The following OTUD7A variants were observed in gnomAD, a reference collection of about 807,000 sequenced individuals.
OTUD7A encodes the protein OTU domain-containing protein 7A.
In OTUD7A, 12 loss-of-function variants were observed where a neutral mutation model predicts 65.7. The ratio of observed to expected loss-of-function variants is 0.18; its 90% confidence interval spans 0.12 to 0.30. The LOEUF (loss-of-function observed/expected upper bound fraction) is 0.30. OTUD7A is among the 10% of genes least tolerant of loss of function. The probability of loss-of-function intolerance (pLI) is 1.00; values close to 1 mark genes in which losing one functional copy is unlikely to be tolerated. For missense variants in OTUD7A, 1,148 were observed against 1,304.8 expected (o/e 0.88, Z 1.85); for synonymous variants, 641 against 586.3 (o/e 1.09, Z -1.35).
chr15:31,663,946 A>G (rs1892246246), intron 1 of OTUD7A, among the ~76,000 whole-genome samples: 1 of 152,132 alleles, frequency 6.6e-6, no homozygotes, highest in Non-Finnish European at 1.5e-5. Context: ...TTCCTGAGTT[A>G]CTTCACTTAG....
intron 3 of OTUD7A, among the ~76,000 whole-genome samples, chr15:31,610,195 A>G (rs10220758): frequency 0.02 from 3,046 of 152,302 alleles, 127 homozygotes; most frequent in African/African-American, 0.069. Context: ...AACAGCAGTT[A>G]AAAGAGACAT....
At chr15:31,525,788 C>G (rs899023771) in intron 8 of OTUD7A, among the ~76,000 whole-genome samples, 1 of 152,258 alleles carries the variant, frequency 6.6e-6, no homozygotes, top group East Asian at 1.9e-4. Flanking sequence ...TCTGTAGGAA[C>G]AAGCTATTCC....
intron 4 of OTUD7A, among the ~76,000 whole-genome samples, chr15:31,561,089 G>A (rs1888672664): frequency 6.6e-6 from 1 of 152,198 alleles, no homozygotes; most frequent in Non-Finnish European, 1.5e-5. Context: ...ATTTCGCAAT[G>A]GGTGGTTTAG....
intron 3 of OTUD7A, among the ~76,000 whole-genome samples, chr15:31,638,267 A>G (rs956364536): frequency 6.6e-6 from 1 of 152,146 alleles, no homozygotes; most frequent in African/African-American, 2.4e-5. Context: ...GAAGGCTCAG[A>G]TGATTGTTAG....
Position 31,526,509 on chromosome 15 carries a change from T to A in OTUD7A, c.781-48A>T, listed in dbSNP as rs771431536. On this transcript the variant is annotated intron_variant, in intron 7 of 12. Transcript: ENST00000307050. ...GAAGGGGGGTGGGCCACAGCTGCGC[T>A]GCCCTCCTCTCCTCACCCTCCCAAT... 10 of 1,432,374 alleles carry A rather than the reference T, an allele frequency of 7.0e-6. No homozygotes were observed. In the African/African-American group the frequency reaches 1.4e-4, roughly 20 times the overall value. The allele number at this position is 1,432,374 out of a possible 1,614,324, so 88.7% of individuals were successfully genotyped here.
intron 1 of OTUD7A, among the ~76,000 whole-genome samples, chr15:31,680,918 C>T (rs533412703): frequency 2.0e-5 from 3 of 150,836 alleles, no homozygotes; most frequent in Admixed American, 1.3e-4. Flanking sequence ...TCACTAAACC[C>T]CTGTGAATCC....
At chr15:31,801,385 C>T (rs904927041) in intron 1 of OTUD7A, among the ~76,000 whole-genome samples, 1 of 152,260 alleles carries the variant, frequency 6.6e-6, no homozygotes, top group African/African-American at 2.4e-5. Flanking sequence ...GCTCTGACTG[C>T]CTCAGAAAAC....
In OTUD7A at chr15:31,710,522, G is replaced by A. The variant is rs1163045288; in HGVS notation, c.-99-53445C>T. On this transcript the variant is annotated intron_variant, in intron 1 of 12. Coordinates refer to ENST00000307050, the MANE Select transcript of OTUD7A (RefSeq NM_001382637.1). ...GCCTCCAGCCCTGCATAGAGGTGCA[G>A]AGCAGGACAGCAAGACCTCAGGGCA... Among the ~76,000 whole-genome samples, 3 of 152,280 alleles carry A rather than the reference G, an allele frequency of 2.0e-5. No individual in the cohort carries two copies. The East Asian group carries it at 5.8e-4, about 29-fold the overall frequency.
chr15:31,484,739 A>C lies in OTUD7A; in HGVS notation c.1372-15T>G. 6.3e-7 allele frequency: 1 copy of C among 1,588,152 alleles called. No individual in the cohort carries two copies. The highest frequency in any genetic ancestry group is 8.5e-7 in the Non-Finnish European group (1 of 1,173,918). On this transcript the variant is annotated splice_polypyrimidine_tract_variant and intron_variant, in intron 12 of 12. Coordinates refer to ENST00000307050, the MANE Select transcript of OTUD7A (RefSeq NM_001382637.1). The surrounding 1 kb of genome is among the most constrained non-coding windows in gnomAD (Gnocchi z 4.5). ...GCCAGGGGCGCCTGTGTGGAGAGGGAGGGCCGGATCGAAGGTGGTTAGAGA... is the reference window on the plus strand; with the variant it reads ...GCCAGGGGCGCCTGTGTGGAGAGGGCGGGCCGGATCGAAGGTGGTTAGAGA...
At chr15:31,656,524 A>T (rs1380689553) in intron 2 of OTUD7A, among the ~76,000 whole-genome samples, 2 of 152,344 alleles carry the variant, frequency 1.3e-5, no homozygotes, top group East Asian at 3.9e-4. Flanking sequence ...CTGGAACTTT[A>T]TGGAAAAAGC....
At chr15:31,868,775 T>C (rs111615164) in intron 1 of OTUD7A, among the ~76,000 whole-genome samples, 2,307 of 152,284 alleles carry the variant, frequency 0.015, 53 homozygotes, top group African/African-American at 0.053. Flanking sequence ...GACCCGCACG[T>C]GGCAATACTT....
intron 5 of OTUD7A, among the ~76,000 whole-genome samples, chr15:31,551,137 G>A (rs968476034): frequency 1.3e-5 from 2 of 152,178 alleles, no homozygotes; most frequent in Non-Finnish European, 2.9e-5. Context: ...TCCTAGGGCT[G>A]TACATCAGAC....
In OTUD7A at chr15:31,484,160, C is replaced by A; in HGVS notation, c.1936G>T (p.Gly646Cys). ...MQGERKFIFA[G>C]LLLTSHRHQF... ...TGCCGGTGGCTGGTGAGCAGCAGGC[C>A]GGCGAAGATGAACTTGCGCTCCCCC... Residue 646 changes from glycine to cysteine, a missense_variant, in exon 13 of 13, where the codon GGC (glycine) becomes TGC (cysteine). This residue lies in a region of OTUD7A where 842 missense variants were observed against 769.5 expected (regional missense o/e 1.09). Coordinates refer to ENST00000307050, the MANE Select transcript of OTUD7A (RefSeq NM_001382637.1). The surrounding 1 kb of genome is among the most constrained non-coding windows in gnomAD (Gnocchi z 4.5). The A allele has an allele frequency of 1.2e-6, 2 of 1,610,434 alleles. No homozygotes were observed. The highest frequency in any genetic ancestry group is 1.7e-6 in the Non-Finnish European group (2 of 1,179,548).
intron 1 of OTUD7A, among the ~76,000 whole-genome samples, chr15:31,769,753 C>CA (rs1181418425): frequency 6.6e-6 from 1 of 152,158 alleles, no homozygotes; most frequent in Admixed American, 6.5e-5. Context: ...ACACCCTGAA[C>CA]ATAGCAAAAC....
At position 31,522,252 on chromosome 15, in the gene OTUD7A, T is replaced by G. The variant is rs76371172; in HGVS notation, c.893+4097A>C. Reference sequence around the variant, plus strand: ...TTCACCAATATGGGTGGGGCTCATCTGATCTATTCATGATGGGAACAAAAC... The same window carrying G: ...TTCACCAATATGGGTGGGGCTCATCGGATCTATTCATGATGGGAACAAAAC... On this transcript the variant is annotated intron_variant, in intron 8 of 12. Coordinates refer to ENST00000307050, the MANE Select transcript of OTUD7A (RefSeq NM_001382637.1). Among the ~76,000 whole-genome samples the G allele has an allele frequency of 8.9e-3, 1,358 of 152,328 alleles. 11 individuals carry two copies. Among genetic ancestry groups the G allele is most frequent in the Non-Finnish European group, 0.013 (901 of 68,020 alleles).
intron 1 of OTUD7A, among the ~76,000 whole-genome samples, chr15:31,739,593 C>T (rs1045291983): frequency 3.3e-5 from 5 of 152,106 alleles, no homozygotes; most frequent in South Asian, 2.1e-4. Flanking sequence ...CATTTGCTCA[C>T]CATATCTTTT....
At chr15:31,698,003 C>T (rs1187000941) in intron 1 of OTUD7A, among the ~76,000 whole-genome samples, 6 of 152,196 alleles carry the variant, frequency 3.9e-5, no homozygotes, top group Admixed American at 2.0e-4. Flanking sequence ...CAGGCAGCTT[C>T]ACTGACTCCC....
intron 1 of OTUD7A, among the ~76,000 whole-genome samples, chr15:31,824,344 A>T (rs1896751726): frequency 6.6e-6 from 1 of 152,174 alleles, no homozygotes; most frequent in South Asian, 2.1e-4. Flanking sequence ...CTTTGCAAGG[A>T]TGCTCCATGC....
intron 1 of OTUD7A, among the ~76,000 whole-genome samples, chr15:31,843,005 C>A (rs1897220072): frequency 6.6e-6 from 1 of 152,114 alleles, no homozygotes; most frequent in Admixed American, 6.5e-5. Flanking sequence ...TCCCTTCCTG[C>A]ACACATCCAG....
Sources: gnomAD v4.1 joint callset for allele counts (sites outside exome capture counted in the v4.1 genomes callset) on GRCh38, gnomAD v4.1.1 for gene constraint, gnomAD v4.1.1 regional missense constraint, Gnocchi (gnomAD v3.1) non-coding constraint, MANE v1.5 for transcripts, NCBI Gene and HGNC (gene_info 2026-07-23, HGNC 2026-07-21) for gene names.